The following MAGEB3 variants were observed in gnomAD, a reference collection of about 807,000 sequenced individuals.
The protein encoded by MAGEB3 is MAGE family member B3.
For synonymous variants in MAGEB3, 91 were observed against 93.0 expected (o/e 0.98, Z 0.12); for missense variants, 191 against 262.4 (o/e 0.73, Z 1.88).
At chrX:30,234,483 G>A (rs1924921290) in intron 4 of MAGEB3, among the ~76,000 whole-genome samples, 2 of 110,844 alleles carry the variant, frequency 1.8e-5, no homozygotes, top group Non-Finnish European at 3.8e-5. Context: ...ACTGTCTGGA[G>A]TCAAGGTCAG....
In MAGEB3 at chrX:30,237,036, G is replaced by T; in HGVS notation, c.*71G>T. The T allele has an allele frequency of 1.3e-6, 1 of 792,665 alleles. No individual in the cohort carries two copies. Among genetic ancestry groups the T allele is most frequent in the Admixed American group, 3.3e-5 (1 of 30,680 alleles). 65.3% of individuals were successfully genotyped at this position (792,665 alleles called of 1,213,427 possible). A position where few individuals can be genotyped will look rare whatever the true frequency, so the allele number is the denominator to read the frequency against. On this transcript the variant is annotated 3_prime_UTR_variant, in exon 5 of 5. Coordinates refer to ENST00000361644, the MANE Select transcript of MAGEB3 (RefSeq NM_002365.5). ...ACTGTTCCAAGGAGTGAAGGACTGG[G>T]TGTTACTGGAGGGAACACACTGTAT... is the stretch of plus-strand genomic sequence containing the variant.
chrX:30,233,767 A>G (rs1056741828), intron 4 of MAGEB3, among the ~76,000 whole-genome samples: 3 of 111,873 alleles, frequency 2.7e-5, no homozygotes, highest in Non-Finnish European at 3.8e-5. Context: ...CCAGAGCGGG[A>G]CGTGTCTCAC....
chrX:30,236,377 G>A lies in MAGEB3; in HGVS notation c.453G>A (p.Glu151=), dbSNP rs1924981416. The part of the protein sequence containing the change: ...VQKSHKNCFP[E]ILKKASFNME... ...AAAGCCATAAGAATTGCTTCCCTGA[G>A]ATCCTTAAAAAAGCTTCTTTCAACA... Residue 151 remains glutamate (E), a synonymous_variant, in exon 5 of 5, where the codon GAG becomes GAA. Coordinates refer to ENST00000361644, the MANE Select transcript of MAGEB3 (RefSeq NM_002365.5). The A allele has an allele frequency of 8.3e-7, 1 of 1,211,199 alleles. No individual in the cohort carries two copies. Among genetic ancestry groups the A allele is most frequent in the East Asian group, 3.0e-5 (1 of 33,843 alleles).
At position 30,236,182 on chromosome X, in the gene MAGEB3, C is replaced by T; in HGVS notation, c.258C>T (p.Ala86=). Residue 86 remains alanine (A), a synonymous_variant, in exon 5 of 5, where the codon GCC becomes GCT. Transcript: ENST00000361644. ...CTTACAAAAAGTCATACAAGGGAGC[C>T]AACAGCAAAATTGAGAAAAAGCAAA... ...DVSYKKSYKG[A]NSKIEKKQSF... 1 of 1,210,215 alleles carries T rather than the reference C, an allele frequency of 8.3e-7. No individual in the cohort carries two copies. Among genetic ancestry groups the T allele is most frequent in the Non-Finnish European group, 1.1e-6 (1 of 894,787 alleles).
intron 2 of MAGEB3, 68 bp downstream of exon 2, chrX:30,231,686 AAAAAAAAAAAAAAAAAGAAAG>A (rs1441955246): frequency 1.1e-5 from 1 of 94,555 alleles, no homozygotes; most frequent in African/African-American, 4.1e-5. Flanking sequence ...CAAAAAAAAA[AAAAAAAAAAAAAAAAAGAAAG>A]AAAGAAAGAA....
chrX:30,232,512 C>T (rs2147336346), intron 2 of MAGEB3, among the ~76,000 whole-genome samples: 2 of 106,681 alleles, frequency 1.9e-5, no homozygotes, highest in East Asian at 5.9e-4. Context: ...TCCCAGCTAC[C>T]CAGGAGGCTG....
chrX:30,236,718 A>G lies in MAGEB3; in HGVS notation c.794A>G (p.Asn265Ser), dbSNP rs1044228465. The change falls in exon 5 of 5, where the codon AAC (asparagine) becomes AGC (serine). Residue 265 changes from asparagine to serine, a missense_variant. Coordinates refer to ENST00000361644, the MANE Select transcript of MAGEB3 (RefSeq NM_002365.5). Reference protein sequence around the residue: ...LKYLEYRQVPNSNPARYEFLW... With the variant: ...LKYLEYRQVPSSNPARYEFLW... Reference sequence around the variant, plus strand: ...TACCTGGAGTACCGACAAGTGCCCAACAGTAATCCTGCACGCTATGAATTC... The same window carrying G: ...TACCTGGAGTACCGACAAGTGCCCAGCAGTAATCCTGCACGCTATGAATTC... The G allele has an allele frequency of 8.2e-7, 1 of 1,212,375 alleles. No homozygotes were observed. The highest frequency in any genetic ancestry group is 1.7e-5 in the African/African-American group (1 of 57,974).
chrX:30,233,924 C>T (rs1924903760), intron 4 of MAGEB3, among the ~76,000 whole-genome samples: 1 of 111,746 alleles, frequency 8.9e-6, no homozygotes, highest in Non-Finnish European at 1.9e-5. Context: ...ATTCAGTTGG[C>T]GGGGACCTGG....
At chrX:30,235,832 A>G (rs2147338753) in intron 4 of MAGEB3, 32 bp from the exon 5 acceptor site, 2 of 663,972 alleles carry the variant, frequency 3.0e-6, no homozygotes, top group East Asian at 6.6e-5. Flanking sequence ...TGCTGAAGGC[A>G]CTCATACCCT....
intron 2 of MAGEB3, 51 bp downstream of exon 2, chrX:30,231,669 C>A (rs1924790854): frequency 1.8e-5 from 1 of 55,582 alleles, no homozygotes. Flanking sequence ...AGAGAGAGCC[C>A]CTGTCACAAA....
chrX:30,236,140 T>C lies in MAGEB3; in HGVS notation c.216T>C (p.Thr72=), dbSNP rs1348752957. ...AGCCTCAGAGAGCACTATCCACCAC[T>C]ACATCTGTAGATGTTTCTTACAAAA... ...LKKPQRALST[T]TSVDVSYKKS... Residue 72 remains threonine, a synonymous_variant, in exon 5 of 5, where the codon ACT becomes ACC. Transcript: ENST00000361644. 1.7e-6 allele frequency: 2 copies of C among 1,207,312 alleles called. No individual in the cohort carries two copies. The highest frequency in any genetic ancestry group is 4.4e-5 in the Admixed American group (2 of 45,700).
intron 2 of MAGEB3, among the ~76,000 whole-genome samples, chrX:30,231,901 A>T (rs1924807182): frequency 9.2e-6 from 1 of 109,154 alleles, no homozygotes; most frequent in African/African-American, 3.3e-5. Context: ...CGCTCAGTAG[A>T]GGTGTTACTC....
chrX:30,234,439 ACGGGATCTCTT>A (rs1924919319), intron 4 of MAGEB3, among the ~76,000 whole-genome samples: 1 of 110,790 alleles, frequency 9.0e-6, no homozygotes, highest in Non-Finnish European at 1.9e-5. Context: ...GGCGAGGGGC[ACGGGATCTCTT>A]CGGCAGAGGG....
At position 30,232,836 on chromosome X, in the gene MAGEB3, T is replaced by G. The variant is rs1246250117; in HGVS notation, c.-244T>G. The G allele has an allele frequency of 1.8e-5, 2 of 110,513 alleles. No homozygotes were observed. The highest frequency in any genetic ancestry group is 6.6e-5 in the African/African-American group (2 of 30,344). 9.1% of individuals were successfully genotyped at this position (110,513 alleles called of 1,213,427 possible). A position where few individuals can be genotyped will look rare whatever the true frequency, so the allele number is the denominator to read the frequency against. ...TATTTTTTATTTTAAGGCAGGGCTG[T>G]GGCTCACGCTTGTAATCCCAACATT... On this transcript the variant is annotated 5_prime_UTR_variant, in exon 3 of 5. Coordinates refer to ENST00000361644, the MANE Select transcript of MAGEB3 (RefSeq NM_002365.5).
At chrX:30,233,601 GGGAGGATTTT>G (rs1294108736) in intron 4 of MAGEB3, among the ~76,000 whole-genome samples, 1 of 106,097 alleles carries the variant, frequency 9.4e-6, no homozygotes, top group African/African-American at 3.4e-5. Context: ...ACTATGGGAG[GGGAGGATTTT>G]GGAGGTTGGC....
At chrX:30,234,117 A>G (rs918766647) in intron 4 of MAGEB3, among the ~76,000 whole-genome samples, 3 of 110,968 alleles carry the variant, frequency 2.7e-5, no homozygotes, top group Non-Finnish European at 3.8e-5. Context: ...GCTGCTAGCC[A>G]GTTTAGAAGG....
At chrX:30,235,766 G>A in intron 4 of MAGEB3, 98 bp from the exon 5 acceptor site, 1 of 450,380 alleles carries the variant, frequency 2.2e-6, no homozygotes. Context: ...CCAGAGCAGT[G>A]CTCTCACAGA....
rs146770977 is a variant in MAGEB3 at position 30,235,932 on chromosome X, G to A, written c.8G>A (p.Arg3Gln). MP[R>Q]GQKSTLHARE... ...TTCCTGACTACAGCCATCATGCCTCGGGGTCAGAAGAGTACGCTCCATGCA... is the reference window on the plus strand; with the variant it reads ...TTCCTGACTACAGCCATCATGCCTCAGGGTCAGAAGAGTACGCTCCATGCA... The change falls in exon 5 of 5, where the codon CGG becomes CAG. Residue 3 changes from arginine (R) to glutamine (Q), a missense_variant. Transcript: ENST00000361644. The A allele has an allele frequency of 1.5e-5, 18 of 1,192,722 alleles. No individual in the cohort carries two copies. Among genetic ancestry groups the A allele is most frequent in the East Asian group, 3.0e-5 (1 of 33,534 alleles).
intron 4 of MAGEB3, 102 bp downstream of exon 4, chrX:30,233,465 G>A (rs1459352305): frequency 1.0e-5 from 1 of 96,546 alleles, no homozygotes. Flanking sequence ...AGAAATATGA[G>A]GCCCACCGGT....
Sources: allele counts gnomAD v4.1 joint callset (sites outside exome capture counted in the v4.1 genomes callset), GRCh38; gene constraint gnomAD v4.1.1; transcripts MANE v1.5; gene names NCBI Gene and HGNC (gene_info 2026-07-23, HGNC 2026-07-21).